The following FAM171B variants were observed in gnomAD, a reference collection of about 807,000 sequenced individuals.
FAM171B encodes the protein protein FAM171B.
A neutral mutation model predicts 75.6 loss-of-function variants in FAM171B; 19 were observed. The observed-to-expected ratio is 0.25, with a 90% CI of 0.18 to 0.37. The LOEUF is 0.37. FAM171B is among the 10% of genes least tolerant of loss of function. The pLI is 1.00. For synonymous variants in FAM171B, 367 were observed against 361.7 expected (o/e 1.01, Z -0.17); for missense variants, 848 against 982.4 (o/e 0.86, Z 1.83).
chr2:186,761,788 A>G lies in FAM171B; in HGVS notation c.1446A>G (p.Thr482=), dbSNP rs770005621. ...VNQNNYSRNP[T]QSLEPNVGSK... ...AAAATAATTACTCAAGAAACCCAAC[A>G]CAGTCTTTGGAGCCCAATGTAGGGT... The change falls in exon 8 of 8, where the codon ACA becomes ACG. Residue 482 remains threonine (T), a synonymous_variant. Transcript: ENST00000304698. 9 of 1,613,248 alleles carry G rather than the reference A, an allele frequency of 5.6e-6. No homozygotes were observed. The Admixed American group carries it at 1.5e-4, about 27-fold the overall frequency.
intron 1 of FAM171B, among the ~76,000 whole-genome samples, chr2:186,730,024 C>T (rs988981754): frequency 3.3e-5 from 5 of 152,110 alleles, no homozygotes; most frequent in Non-Finnish European, 7.4e-5. Context: ...TACAGTGGCA[C>T]GATCTCACCT....
intron 1 of FAM171B, among the ~76,000 whole-genome samples, chr2:186,717,165 T>C (rs1181375140): frequency 1.3e-5 from 2 of 152,224 alleles, no homozygotes; most frequent in Middle Eastern, 3.4e-3. Flanking sequence ...TTTTTGAAAA[T>C]AGCAGTGGTA....
chr2:186,755,368 T>G (rs1367323967), intron 6 of FAM171B, among the ~76,000 whole-genome samples: 1 of 152,164 alleles, frequency 6.6e-6, no homozygotes, highest in Non-Finnish European at 1.5e-5. Flanking sequence ...AAGCAAAACA[T>G]TTAGTGTTAT....
At chr2:186,739,012 G>T (rs1168112452) in intron 1 of FAM171B, among the ~76,000 whole-genome samples, 1 of 152,162 alleles carries the variant, frequency 6.6e-6, no homozygotes, top group African/African-American at 2.4e-5. Flanking sequence ...TAAGCTGCAA[G>T]TCTGTACAGC....
At chr2:186,695,603 A>G (rs1689568080) in intron 1 of FAM171B, among the ~76,000 whole-genome samples, 1 of 152,218 alleles carries the variant, frequency 6.6e-6, no homozygotes, top group South Asian at 2.1e-4. Context: ...TGACACAGCC[A>G]GGATGATTTA....
intron 3 of FAM171B, among the ~76,000 whole-genome samples, chr2:186,745,599 C>A: frequency 6.6e-6 from 1 of 152,148 alleles, no homozygotes; most frequent in East Asian, 1.9e-4. Flanking sequence ...TTAAATCTTT[C>A]TGTAAAAAAT....
At chr2:186,718,254 C>A (rs768593953) in intron 1 of FAM171B, among the ~76,000 whole-genome samples, 1 of 152,194 alleles carries the variant, frequency 6.6e-6, no homozygotes, top group Non-Finnish European at 1.5e-5. Context: ...CCAAAAAGGT[C>A]TTGTCACACA....
chr2:186,699,176 T>C (rs188244372), intron 1 of FAM171B, among the ~76,000 whole-genome samples: 9 of 152,298 alleles, frequency 5.9e-5, no homozygotes, highest in Admixed American at 3.9e-4. Context: ...ATGGTACCTC[T>C]ATTTTTAGTT....
chr2:186,746,300 G>T (rs550030303), intron 3 of FAM171B, among the ~76,000 whole-genome samples: 1 of 152,270 alleles, frequency 6.6e-6, no homozygotes, highest in East Asian at 1.9e-4. Flanking sequence ...GCATTTGAAA[G>T]GCTTTTAATG....
At chr2:186,760,351 A>G (rs187934956) in intron 6 of FAM171B, among the ~76,000 whole-genome samples, 41 of 152,200 alleles carry the variant, frequency 2.7e-4, no homozygotes, top group African/African-American at 9.9e-4. Context: ...TTTGTATTCT[A>G]TTTCTTTAGA....
At position 186,762,841 on chromosome 2, in the gene FAM171B, T is replaced by G; in HGVS notation, c.*18T>G. 1 of 1,592,804 alleles carries G rather than the reference T, an allele frequency of 6.3e-7. No homozygotes were observed. The highest frequency in any genetic ancestry group is 8.6e-7 in the Non-Finnish European group (1 of 1,169,466). On this transcript the variant is annotated 3_prime_UTR_variant, in exon 8 of 8. Transcript: ENST00000304698. The surrounding 1 kb of genome is among the most constrained non-coding windows in gnomAD (Gnocchi z 4.0). Reference sequence around the variant, plus strand: ...TAAATTAACTCCAATGGGGATTGTGTGTCTGCTGTCTCGTGCTGTTTATTC... The same window carrying G: ...TAAATTAACTCCAATGGGGATTGTGGGTCTGCTGTCTCGTGCTGTTTATTC...
intron 1 of FAM171B, among the ~76,000 whole-genome samples, chr2:186,714,593 T>C (rs529146772): frequency 6.6e-6 from 1 of 152,318 alleles, no homozygotes; most frequent in Admixed American, 6.5e-5. Context: ...AATGAAAGTT[T>C]AGAATTGGTG....
At chr2:186,701,413 C>T (rs572897534) in intron 1 of FAM171B, among the ~76,000 whole-genome samples, 3 of 152,266 alleles carry the variant, frequency 2.0e-5, no homozygotes, top group South Asian at 2.1e-4. Flanking sequence ...AATATTCTAA[C>T]TATAGTCCTC....
intron 1 of FAM171B, among the ~76,000 whole-genome samples, chr2:186,725,482 C>A (rs933786659): frequency 3.9e-5 from 6 of 152,124 alleles, no homozygotes; most frequent in African/African-American, 1.4e-4. Flanking sequence ...CATGCCTCAG[C>A]GCAGAGGGGA....
At chr2:186,735,608 A>C (rs62173045) in intron 1 of FAM171B, among the ~76,000 whole-genome samples, 47,110 of 151,978 alleles carry the variant, frequency 0.31, 8,287 homozygotes, top group East Asian at 0.76. Context: ...AATGTCTCTC[A>C]ATGCTAGCCC....
At chr2:186,738,275 T>G (rs1024536450) in intron 1 of FAM171B, among the ~76,000 whole-genome samples, 6 of 152,026 alleles carry the variant, frequency 3.9e-5, no homozygotes, top group Non-Finnish European at 7.4e-5. Flanking sequence ...CGCAGTTTGG[T>G]GAGTTCCAGG....
At chr2:186,696,132 T>C (rs994693638) in intron 1 of FAM171B, among the ~76,000 whole-genome samples, 6 of 152,162 alleles carry the variant, frequency 3.9e-5, no homozygotes, top group African/African-American at 9.7e-5. Context: ...TCTGGGAAAT[T>C]AGCAGTTTTT....
chr2:186,756,547 G>A (rs1690533276), intron 6 of FAM171B, among the ~76,000 whole-genome samples: 1 of 152,190 alleles, frequency 6.6e-6, no homozygotes, highest in African/African-American at 2.4e-5. Flanking sequence ...TGCTGTCAGG[G>A]TTGGTGAGGC....
At chr2:186,731,643 G>T (rs80106660) in intron 1 of FAM171B, among the ~76,000 whole-genome samples, 1 of 151,894 alleles carries the variant, frequency 6.6e-6, no homozygotes, top group African/African-American at 2.4e-5. Flanking sequence ...CATATATATC[G>T]GGTCTGAAAC....
Sources: gnomAD v4.1 joint callset for allele counts (sites outside exome capture counted in the v4.1 genomes callset) on GRCh38, gnomAD v4.1.1 for gene constraint, Gnocchi (gnomAD v3.1) non-coding constraint, MANE v1.5 for transcripts, NCBI Gene and HGNC (gene_info 2026-07-23, HGNC 2026-07-21) for gene names.